SV2C: variants seen among roughly 807,000 people sequenced by gnomAD.
SV2C encodes synaptic vesicle glycoprotein 2C, also known as solute carrier family 22 member B3.
Under a neutral mutation model 79.7 loss-of-function variants are expected in SV2C, and 49 were observed. The ratio of observed to expected loss-of-function variants is 0.61; its 90% CI spans 0.49 to 0.78. SV2C has a LOEUF of 0.78. Among genes scored for constraint, SV2C ranks in the 30% least tolerant of loss-of-function variants. SV2C has a pLI of 0.00. For synonymous variants in SV2C, 334 were observed against 333.2 expected (o/e 1.00, Z -0.03); for missense variants, 833 against 912.9 (o/e 0.91, Z 1.13).
chr5:75,949,544 C>T, the SV2C span, among the ~76,000 whole-genome samples: 26 of 152,070 alleles, frequency 1.7e-4, no homozygotes, highest in Admixed American at 1.4e-3. Flanking sequence ...GTGGGAGGGA[C>T]GTGGTGGGAG....
At chr5:76,203,405 C>G (rs1425020994) in intron 3 of SV2C, among the ~76,000 whole-genome samples, 1 of 152,214 alleles carries the variant, frequency 6.6e-6, no homozygotes, top group East Asian at 1.9e-4. Context: ...CTAGATACAT[C>G]TGCATGTTCT....
intron 1 of SV2C, among the ~76,000 whole-genome samples, chr5:76,085,534 G>T (rs930385713): frequency 6.6e-6 from 1 of 151,908 alleles, no homozygotes; most frequent in Non-Finnish European, 1.5e-5. Flanking sequence ...AAGGGGACGG[G>T]GTTGGGAAAA....
At chr5:76,172,216 AG>A (rs1743310733) in intron 2 of SV2C, among the ~76,000 whole-genome samples, 1 of 61,146 alleles carries the variant, frequency 1.6e-5, no homozygotes, top group Non-Finnish European at 3.3e-5. Flanking sequence ...CTGCCCGGCC[AG>A]CCGCCCCGTC....
chr5:76,089,507 G>C (rs879212762), intron 1 of SV2C, among the ~76,000 whole-genome samples: 2 of 152,106 alleles, frequency 1.3e-5, no homozygotes, highest in African/African-American at 4.8e-5. Flanking sequence ...ATGTGTTTTT[G>C]TAATAGAATG....
chr5:75,914,816 C>A, the SV2C span, among the ~76,000 whole-genome samples: 2 of 151,954 alleles, frequency 1.3e-5, no homozygotes, highest in Admixed American at 1.3e-4. Flanking sequence ...TAATGCTATC[C>A]CCATTTTTAT....
the SV2C span, among the ~76,000 whole-genome samples, chr5:76,035,318 C>T: frequency 7.4e-4 from 112 of 151,608 alleles, no homozygotes; most frequent in African/African-American, 2.6e-3. Flanking sequence ...GCTCTTGCTT[C>T]TCTAGTTCTT....
the SV2C span, among the ~76,000 whole-genome samples, chr5:76,011,076 C>T: frequency 6.6e-6 from 1 of 152,052 alleles, no homozygotes; most frequent in Non-Finnish European, 1.5e-5. Context: ...GTGGACAGCG[C>T]ATTGTTAGTT....
chr5:76,022,894 C>T, the SV2C span, among the ~76,000 whole-genome samples: 16 of 152,284 alleles, frequency 1.1e-4, no homozygotes, highest in African/African-American at 3.4e-4. Flanking sequence ...TTGAGATTCA[C>T]ATAGCAATTT....
intron 2 of SV2C, among the ~76,000 whole-genome samples, chr5:76,189,483 C>A (rs1308017004): frequency 6.6e-6 from 1 of 152,084 alleles, no homozygotes; most frequent in Admixed American, 6.5e-5. Context: ...TGGTAGAAAC[C>A]CCCTTACCTG....
intron 4 of SV2C, among the ~76,000 whole-genome samples, chr5:76,235,695 T>A (rs1745588555): frequency 6.9e-6 from 1 of 145,152 alleles, no homozygotes; most frequent in African/African-American, 2.9e-5. Flanking sequence ...GGGATTAAGA[T>A]TTTTTTTCAA....
the SV2C span, among the ~76,000 whole-genome samples, chr5:75,882,414 G>A: frequency 3.4e-3 from 513 of 149,886 alleles, 11 homozygotes; most frequent in African/African-American, 0.012. Context: ...AAGTTCATAT[G>A]GAACCAAAAA....
the SV2C span, among the ~76,000 whole-genome samples, chr5:76,054,495 T>A: frequency 6.6e-6 from 1 of 152,238 alleles, no homozygotes; most frequent in Non-Finnish European, 1.5e-5. Flanking sequence ...TTATATTCCT[T>A]TGGGTATATA....
chr5:76,282,043 A>G (rs1031315775), intron 4 of SV2C, among the ~76,000 whole-genome samples: 1 of 152,212 alleles, frequency 6.6e-6, no homozygotes, highest in Non-Finnish European at 1.5e-5. Context: ...CTTTGGTTAA[A>G]TCACTTCATC....
the SV2C span, among the ~76,000 whole-genome samples, chr5:75,956,021 T>C: frequency 1.4e-5 from 2 of 146,774 alleles, no homozygotes; most frequent in South Asian, 4.4e-4. Flanking sequence ...AGAAATACCA[T>C]TTGACCCAGC....
chr5:76,158,207 A>G (rs1742793872), intron 2 of SV2C, among the ~76,000 whole-genome samples: 1 of 151,934 alleles, frequency 6.6e-6, no homozygotes, highest in Admixed American at 6.6e-5. Context: ...AAGACATTAA[A>G]TACTTTTAAT....
At chr5:75,873,955 C>T in the SV2C span, among the ~76,000 whole-genome samples, 1 of 152,106 alleles carries the variant, frequency 6.6e-6, no homozygotes, top group Non-Finnish European at 1.5e-5. Context: ...GATGGATTCA[C>T]AGCCGAATTC....
At chr5:76,277,376 A>T (rs1208817331) in intron 4 of SV2C, among the ~76,000 whole-genome samples, 4 of 152,204 alleles carry the variant, frequency 2.6e-5, no homozygotes, top group Non-Finnish European at 5.9e-5. Flanking sequence ...GATAAACTAA[A>T]TGTGATATAT....
At chr5:76,004,397 T>G in the SV2C span, among the ~76,000 whole-genome samples, 1 of 152,180 alleles carries the variant, frequency 6.6e-6, no homozygotes, top group African/African-American at 2.4e-5. Context: ...GTTTGTAAAA[T>G]GAGACTAATA....
intron 12 of SV2C, among the ~76,000 whole-genome samples, chr5:76,309,755 G>C (rs1048636029): frequency 4.7e-5 from 7 of 149,776 alleles, no homozygotes; most frequent in African/African-American, 1.7e-4. Flanking sequence ...AAAAGAGGTT[G>C]TCAAAGAAAG....
Sources: allele counts gnomAD v4.1 joint callset (sites outside exome capture counted in the v4.1 genomes callset), GRCh38; gene constraint gnomAD v4.1.1; transcripts MANE v1.5; gene names NCBI Gene and HGNC (gene_info 2026-07-23, HGNC 2026-07-21).